UNC5A: variants seen among roughly 807,000 people sequenced by gnomAD.
The protein encoded by UNC5A is unc-5 netrin receptor A.
Under a neutral mutation model 87.4 loss-of-function variants are expected in UNC5A, and 20 were observed. The ratio of observed to expected loss-of-function variants is 0.23; its 90% CI spans 0.16 to 0.33. The LOEUF (loss-of-function observed/expected upper bound fraction) is 0.33. Ranked by LOEUF, UNC5A falls within the 10% of genes least tolerant of loss-of-function variation. UNC5A has a pLI of 1.00. For synonymous variants in UNC5A, 438 were observed against 482.3 expected, an observed-to-expected ratio of 0.91 and a Z score of 1.20; for missense variants, 844 against 1,133.4, an observed-to-expected ratio of 0.74 and a Z score of 3.67.
chr5:176,854,291 T>C (rs1257341621), intron 1 of UNC5A, among the ~76,000 whole-genome samples: 1 of 131,748 alleles, frequency 7.6e-6, no homozygotes, highest in Non-Finnish European at 1.5e-5. Context: ...TCCCTGTCTC[T>C]GTCTCTCTCT....
chr5:176,877,374 C>A, intron 9 of UNC5A, 95 bp downstream of exon 9: 1 of 1,375,718 alleles, frequency 7.3e-7, no homozygotes, highest in Non-Finnish European at 1.0e-6. Flanking sequence ...TTGTGCCTGG[C>A]CCGAGGCGGC....
At position 176,878,642 on chromosome 5, in the gene UNC5A, G is replaced by GGACGGGAGGGGCTGCCGCACCGCC; in HGVS notation, c.2184+5_2184+28dup. On this transcript the variant is annotated splice_donor_region_variant and intron_variant, in intron 13 of 14. Transcript: ENST00000329542. ...GCATCAACTTCAACATCACCAAGGTGGACGGGAGGGGCTGCCGCACCGCCG... is the reference window on the plus strand; with the variant it reads ...GCATCAACTTCAACATCACCAAGGTGGACGGGAGGGGCTGCCGCACCGCCGACGGGAGGGGCTGCCGCACCGCCG... 1 of 1,608,702 alleles carries GGACGGGAGGGGCTGCCGCACCGCC rather than the reference G, an allele frequency of 6.2e-7. No individual in the cohort carries two copies. The highest frequency in any genetic ancestry group is 8.5e-7 in the Non-Finnish European group (1 of 1,176,926).
intron 8 of UNC5A, among the ~76,000 whole-genome samples, chr5:176,876,730 G>A (rs1459065318): frequency 6.6e-6 from 1 of 152,182 alleles, no homozygotes; most frequent in East Asian, 1.9e-4. Flanking sequence ...AGGGCAGTGG[G>A]GGCTCAGGCA....
At chr5:176,852,376 A>G (rs998252742) in intron 1 of UNC5A, among the ~76,000 whole-genome samples, 79 of 151,596 alleles carry the variant, frequency 5.2e-4, no homozygotes, top group Admixed American at 4.3e-3. Context: ...ACACAGAAGC[A>G]CACACACACA....
chr5:176,817,451 G>T (rs1323670961), intron 1 of UNC5A, among the ~76,000 whole-genome samples: 1 of 152,126 alleles, frequency 6.6e-6, no homozygotes, highest in Non-Finnish European at 1.5e-5. Flanking sequence ...GGCTGTGGGG[G>T]TCTACGGGAG....
At chr5:176,811,833 C>G (rs1262956661) in intron 1 of UNC5A, among the ~76,000 whole-genome samples, 2 of 152,090 alleles carry the variant, frequency 1.3e-5, no homozygotes, top group Admixed American at 6.5e-5. Context: ...TGGGCGGTTA[C>G]TCCCCAGCCT....
In UNC5A at chr5:176,879,306, C is replaced by A; in HGVS notation, c.2185-4C>A. 1 of 1,590,020 alleles carries A rather than the reference C, an allele frequency of 6.3e-7. No individual in the cohort carries two copies. On this transcript the variant is annotated splice_polypyrimidine_tract_variant and splice_region_variant and intron_variant, in intron 13 of 14. Transcript: ENST00000329542. Reference sequence around the variant, plus strand: ...ACAGGCACCTCTTTCCCTCCCACCTCCAGGACACAAGGTTTGCTGAGCTGC... The same window carrying A: ...ACAGGCACCTCTTTCCCTCCCACCTACAGGACACAAGGTTTGCTGAGCTGC...
chr5:176,829,912 T>C lies in UNC5A; in HGVS notation c.70+19092T>C, dbSNP rs191277480. The stretch of plus-strand genomic sequence containing the variant: ...TTTTTTGAGATGGAATCTTGTTCTG[T>C]CTCCCACACTGGAGTACAGTGGCGT... On this transcript the variant is annotated intron_variant, in intron 1 of 14. Coordinates refer to ENST00000329542, the MANE Select transcript of UNC5A (RefSeq NM_133369.3). 7.8e-3 allele frequency among the ~76,000 whole-genome samples: 1,016 copies of C among 129,506 alleles called. 13 individuals carry two copies. The highest frequency in any genetic ancestry group is 0.028 in the African/African-American group (981 of 35,262). 85.0% of individuals were successfully genotyped at this position (129,506 alleles called of 152,430 possible).
At position 176,844,699 on chromosome 5, in the gene UNC5A, A is replaced by G. The variant is rs1426427985; in HGVS notation, c.71-17925A>G. Among the ~76,000 whole-genome samples, 2 of 151,958 alleles carry G rather than the reference A, an allele frequency of 1.3e-5. No homozygotes were observed. Among genetic ancestry groups the G allele is most frequent in the African/African-American group, 4.8e-5 (2 of 41,336 alleles). Reference sequence around the variant, plus strand: ...TGCTGCCTTAAACCTCCTACATCACACCCAGGGGTCTGTGGACCACAGTTC... The same window carrying G: ...TGCTGCCTTAAACCTCCTACATCACGCCCAGGGGTCTGTGGACCACAGTTC... On this transcript the variant is annotated intron_variant, in intron 1 of 14. Transcript: ENST00000329542. This position sits in a 1 kb window ranked among gnomAD's most constrained non-coding sequence, Gnocchi z 4.2.
At position 176,880,779 on chromosome 5, in the gene UNC5A, GT is replaced by G. The variant is rs1758401485; in HGVS notation, c.*894del. ...CATGTGAAGCTCGTGTCCTGACTTTGTCTTAAGTGCATTCACGCACTTACTC... is the reference window on the plus strand; with the variant it reads ...CATGTGAAGCTCGTGTCCTGACTTTGCTTAAGTGCATTCACGCACTTACTC... On this transcript the variant is annotated 3_prime_UTR_variant, in exon 15 of 15. Coordinates refer to ENST00000329542, the MANE Select transcript of UNC5A (RefSeq NM_133369.3). The G allele has an allele frequency of 3.5e-6, 1 of 288,064 alleles. No homozygotes were observed. The highest frequency in any genetic ancestry group is 2.2e-5 in the African/African-American group (1 of 45,160). The allele number at this position is 288,064 out of a possible 1,614,324, so 17.8% of individuals were successfully genotyped here.
rs79707219 is a variant in UNC5A at position 176,857,895 on chromosome 5, A to G, written c.71-4729A>G. Reference sequence around the variant, plus strand: ...CCCTTGCCAGTGGGAAAGCTGTGACATGGCAGAAGGAGCCTCTGGGAAACT... The same window carrying G: ...CCCTTGCCAGTGGGAAAGCTGTGACGTGGCAGAAGGAGCCTCTGGGAAACT... On this transcript the variant is annotated intron_variant, in intron 1 of 14. Coordinates refer to ENST00000329542, the MANE Select transcript of UNC5A (RefSeq NM_133369.3). 4.1e-3 allele frequency among the ~76,000 whole-genome samples: 631 copies of G among 152,314 alleles called. 4 individuals are homozygous for G. The highest frequency in any genetic ancestry group is 0.029 in the South Asian group (142 of 4,828).
intron 1 of UNC5A, among the ~76,000 whole-genome samples, chr5:176,831,755 T>A (rs995980540): frequency 1.3e-5 from 2 of 152,138 alleles, no homozygotes; most frequent in African/African-American, 4.8e-5. Context: ...TCCTCATCTG[T>A]CTGCTCTCAA....
intron 1 of UNC5A, among the ~76,000 whole-genome samples, chr5:176,818,902 T>C (rs959560746): frequency 2.6e-5 from 4 of 152,214 alleles, no homozygotes; most frequent in African/African-American, 7.2e-5. Context: ...AACTTCCTCT[T>C]GTGGTGTTGG....
At chr5:176,830,331 G>C (rs1048777791) in intron 1 of UNC5A, among the ~76,000 whole-genome samples, 4 of 152,196 alleles carry the variant, frequency 2.6e-5, no homozygotes, top group African/African-American at 4.8e-5. Context: ...CCTCCATGGG[G>C]CATGGGTGCG....
At chr5:176,876,302 G>A (rs945171166) in intron 8 of UNC5A, among the ~76,000 whole-genome samples, 10 of 152,232 alleles carry the variant, frequency 6.6e-5, no homozygotes, top group African/African-American at 2.4e-4. Flanking sequence ...TGCCCTCTCC[G>A]GTGAAACGGT....
chr5:176,849,095 C>T lies in UNC5A; in HGVS notation c.71-13529C>T, dbSNP rs552469033. Among the ~76,000 whole-genome samples the T allele has an allele frequency of 4.6e-5, 7 of 152,270 alleles. No homozygotes were observed. The South Asian group carries it at 1.0e-3, about 23-fold the overall frequency. ...CAGCAGGGACAGGGCTGGAGTGTGG[C>T]GGCAGCGGGGGTTCCCTTGCCTTGC... On this transcript the variant is annotated intron_variant, in intron 1 of 14. Coordinates refer to ENST00000329542, the MANE Select transcript of UNC5A (RefSeq NM_133369.3).
In UNC5A at chr5:176,877,574, C is replaced by G; in HGVS notation, c.1506C>G (p.Ile502Met). The change falls in exon 10 of 15, where the codon ATC becomes ATG. Residue 502 changes from isoleucine to methionine, a missense_variant. Transcript: ENST00000329542. ...GCTGTCAGACCCTGCTGAGTCCCAT[C>G]GTTAGCTGTGGACCCCCTGGCGTCC... Reference protein sequence around the residue: ...LAGCQTLLSPIVSCGPPGVLL... With the variant: ...LAGCQTLLSPMVSCGPPGVLL... 1 of 1,610,560 alleles carries G rather than the reference C, an allele frequency of 6.2e-7. No homozygotes were observed. The highest frequency in any genetic ancestry group is 8.5e-7 in the Non-Finnish European group (1 of 1,178,298).
At chr5:176,876,376 T>C (rs1758262447) in intron 8 of UNC5A, among the ~76,000 whole-genome samples, 1 of 152,112 alleles carries the variant, frequency 6.6e-6, no homozygotes, top group African/African-American at 2.4e-5. Flanking sequence ...TTGGACTTGG[T>C]GGGGTAAAGT....
rs1435270515 is a variant in UNC5A at position 176,866,176 on chromosome 5, G to C, written c.293-1954G>C. ...CTTATGGGCAGGTACAGACATAGCT[G>C]TACCCAGACACTGCTCCCAGGAACC... On this transcript the variant is annotated intron_variant, in intron 2 of 14. Coordinates refer to ENST00000329542, the MANE Select transcript of UNC5A (RefSeq NM_133369.3). The surrounding 1 kb of genome is among the most constrained non-coding windows in gnomAD (Gnocchi z 5.0). Among the ~76,000 whole-genome samples, 5 of 152,052 alleles carry C rather than the reference G, an allele frequency of 3.3e-5. No homozygotes were observed. Among genetic ancestry groups the C allele is most frequent in the Non-Finnish European group, 7.4e-5 (5 of 67,998 alleles).
Sources: gnomAD v4.1 joint callset for allele counts (sites outside exome capture counted in the v4.1 genomes callset) on GRCh38, gnomAD v4.1.1 for gene constraint, Gnocchi (gnomAD v3.1) non-coding constraint, MANE v1.5 for transcripts, NCBI Gene and HGNC (gene_info 2026-07-23, HGNC 2026-07-21) for gene names.